Variants in FAM228B observed in about 807,000 individuals in gnomAD.
FAM228B encodes the protein protein FAM228B.
Under a neutral mutation model 42.6 loss-of-function variants are expected in FAM228B, and 38 were observed. The observed-to-expected ratio is 0.89, with a 90% CI of 0.69 to 1.17. The LOEUF (loss-of-function observed/expected upper bound fraction) is 1.17, where lower values mean the gene tolerates loss of function less well. Among genes scored for constraint, FAM228B ranks in the 50% most tolerant of loss-of-function variants. FAM228B has a pLI of 0.00. For synonymous variants in FAM228B, 109 were observed against 122.3 expected (o/e 0.89, Z 0.72); for missense variants, 344 against 367.3 (o/e 0.94, Z 0.52).
upstream of FAM228B, chr2:24,119,645 T>C (rs1666033155): frequency 1.2e-6 from 2 of 1,613,660 alleles, no homozygotes; most frequent in African/African-American, 1.3e-5. Flanking sequence ...TACCAGAAGA[T>C]ACAGATGGGT....
At chr2:24,081,055 T>C in intron 2 of FAM228B, 1 of 1,599,748 alleles carries the variant, frequency 6.3e-7, no homozygotes, top group South Asian at 1.1e-5. Context: ...TACAGGGTTC[T>C]CTTTACTTTG....
intron 3 of FAM228B, among the ~76,000 whole-genome samples, chr2:24,098,457 C>T (rs1165329155): frequency 6.6e-6 from 1 of 152,122 alleles, no homozygotes; most frequent in Non-Finnish European, 1.5e-5. Flanking sequence ...GATATCACCA[C>T]CAATCCCACA....
chr2:24,084,466 AGC>A lies in FAM228B; in HGVS notation c.-210+3514_-210+3515del, dbSNP rs575772440. On this transcript the variant is annotated intron_variant, in intron 2 of 10. Coordinates refer to the FAM228B transcript ENST00000613899. The surrounding 1 kb of genome is among the most constrained non-coding windows in gnomAD (Gnocchi z 8.4). ...CAGCCCAGCCTCAGGCTGGCACCGCAGCGCCCCCTGCCGGCCAGCGCCTCGCT... is the reference window on the plus strand; with the variant it reads ...CAGCCCAGCCTCAGGCTGGCACCGCAGCCCCCTGCCGGCCAGCGCCTCGCT... 6.5e-3 allele frequency: 7,204 copies of A among 1,114,548 alleles called. 39 individuals are homozygous for A. Among genetic ancestry groups the A allele is most frequent in the Non-Finnish European group, 7.4e-3 (6,187 of 837,568 alleles). 69.0% of individuals were successfully genotyped at this position (1,114,548 alleles called of 1,614,324 possible).
chr2:24,093,476 T>G (rs1330046721), intron 2 of FAM228B, among the ~76,000 whole-genome samples: 2 of 152,232 alleles, frequency 1.3e-5, no homozygotes, highest in Non-Finnish European at 2.9e-5. Context: ...GCAAAGGACA[T>G]GAACTCACTC....
intron 3 of FAM228B, among the ~76,000 whole-genome samples, chr2:24,104,620 C>T (rs1665669918): frequency 6.6e-6 from 1 of 152,134 alleles, no homozygotes. Context: ...GTGCAGCTTT[C>T]TGTTGTCCTG....
At chr2:24,154,310 G>A (rs187655280) in intron 7 of FAM228B, among the ~76,000 whole-genome samples, 8 of 152,274 alleles carry the variant, frequency 5.3e-5, no homozygotes, top group African/African-American at 1.9e-4. Context: ...CTTTTCATAT[G>A]TTTCTTTGCC....
chr2:24,124,175 C>T, intron 1 of FAM228B, 155 bp from the exon 2 acceptor site: 2 of 496,394 alleles, frequency 4.0e-6, no homozygotes, highest in Non-Finnish European at 7.1e-6. Context: ...CTGAAGCCGT[C>T]ATCTGGAGTC....
chr2:24,129,060 C>T (rs1447020427), intron 2 of FAM228B, among the ~76,000 whole-genome samples: 10 of 152,104 alleles, frequency 6.6e-5, no homozygotes, highest in Non-Finnish European at 1.0e-4. Context: ...TTACGATCAG[C>T]TGAAGACTCA....
intron 3 of FAM228B, among the ~76,000 whole-genome samples, chr2:24,105,493 C>T (rs1004273472): frequency 1.3e-5 from 2 of 152,206 alleles, no homozygotes; most frequent in African/African-American, 4.8e-5. Context: ...ATTGAAGGAA[C>T]ATCAGCCTAC....
intron 7 of FAM228B, among the ~76,000 whole-genome samples, chr2:24,149,542 C>T (rs1666977772): frequency 6.6e-6 from 1 of 152,174 alleles, no homozygotes; most frequent in African/African-American, 2.4e-5. Flanking sequence ...AAGCAATTCT[C>T]CTGTCTCAGC....
chr2:24,104,827 A>G (rs1665673238), intron 3 of FAM228B, among the ~76,000 whole-genome samples: 1 of 152,206 alleles, frequency 6.6e-6, no homozygotes, highest in Non-Finnish European at 1.5e-5. Context: ...ACTGACAGCC[A>G]GGTGGATAAC....
At chr2:24,141,656 G>A (rs1430504842) in intron 5 of FAM228B, among the ~76,000 whole-genome samples, 1 of 152,218 alleles carries the variant, frequency 6.6e-6, no homozygotes, top group Non-Finnish European at 1.5e-5. Flanking sequence ...GGGATTACAG[G>A]TGTGAGCCAC....
intron 1 of FAM228B, 100 bp from the exon 2 acceptor site, chr2:24,124,230 A>T: frequency 1.6e-6 from 1 of 613,448 alleles, no homozygotes; most frequent in South Asian, 2.3e-5. Context: ...GTTAGTGTTC[A>T]AAATCCATTT....
chr2:24,101,776 A>G (rs1336944226), intron 3 of FAM228B, among the ~76,000 whole-genome samples: 1 of 152,154 alleles, frequency 6.6e-6, no homozygotes, highest in Admixed American at 6.5e-5. Context: ...TCCGCCTCCC[A>G]GATTCACGCC....
At position 24,080,821 on chromosome 2, in the gene FAM228B, T is replaced by C. The variant is rs1330577393; in HGVS notation, c.-289-55T>C. On this transcript the variant is annotated intron_variant, in intron 1 of 10. Transcript: ENST00000613899. This position sits in a 1 kb window ranked among gnomAD's most constrained non-coding sequence, Gnocchi z 4.7. ...GAACTGTAGAAGCAGTTGTTTACCTTTGGTGAATTTCAGCGTTGCTTCAGA... is the reference window on the plus strand; with the variant it reads ...GAACTGTAGAAGCAGTTGTTTACCTCTGGTGAATTTCAGCGTTGCTTCAGA... The C allele has an allele frequency of 6.2e-7, 1 of 1,614,216 alleles. No individual in the cohort carries two copies.
chr2:24,132,123 G>A (rs994946476), intron 2 of FAM228B, among the ~76,000 whole-genome samples: 2 of 152,132 alleles, frequency 1.3e-5, no homozygotes, highest in Admixed American at 1.3e-4. Context: ...TTTATGTGAT[G>A]GATTATGTTT....
At chr2:24,138,632 G>A (rs1666664406) in intron 4 of FAM228B, among the ~76,000 whole-genome samples, 1 of 150,312 alleles carries the variant, frequency 6.7e-6, no homozygotes, top group African/African-American at 2.4e-5. Context: ...ACTGTGCCCA[G>A]CCCTCCCCAT....
rs149763872 is a variant in FAM228B at position 24,132,875 on chromosome 2, G to C, written c.100-2244G>C. On this transcript the variant is annotated intron_variant, in intron 2 of 10. Transcript: ENST00000615575. ...TGAAGTTGGCAGCAGATGAAGTCAC[G>C]GTTTAGTCTTTTTTTATCTTAAGCT... Among the ~76,000 whole-genome samples the C allele has an allele frequency of 4.6e-5, 7 of 152,186 alleles. No individual in the cohort carries two copies. The East Asian group carries it at 1.3e-3, about 29-fold the overall frequency.
At chr2:24,127,246 G>T (rs918979547) in intron 2 of FAM228B, among the ~76,000 whole-genome samples, 8 of 152,262 alleles carry the variant, frequency 5.3e-5, no homozygotes, top group African/African-American at 1.9e-4. Context: ...ATGTTTTCAA[G>T]GTTTGTCCGT....
Sources: gnomAD v4.1 joint callset for allele counts (sites outside exome capture counted in the v4.1 genomes callset) on GRCh38, gnomAD v4.1.1 for gene constraint, Gnocchi (gnomAD v3.1) non-coding constraint, MANE v1.5 for transcripts, NCBI Gene and HGNC (gene_info 2026-07-23, HGNC 2026-07-21) for gene names.